Variants in CERS3 observed in about 807,000 individuals in gnomAD.
The protein encoded by CERS3 is ceramide synthase 3.
A neutral mutation model predicts 50.3 loss-of-function variants in CERS3; 33 were observed. That is an observed-to-expected ratio of 0.66 (90% confidence interval 0.50 to 0.88). The LOEUF (loss-of-function observed/expected upper bound fraction) is 0.88, where lower values mean the gene tolerates loss of function less well. Among genes scored for constraint, CERS3 ranks in the 40% least tolerant of loss-of-function variants. The probability of loss-of-function intolerance (pLI) is 0.00; values close to 1 mark genes in which losing one functional copy is unlikely to be tolerated. For synonymous variants in CERS3, 176 were observed against 155.2 expected, an observed-to-expected ratio of 1.13 and a Z score of -0.99; for missense variants, 470 against 460.3, an observed-to-expected ratio of 1.02 and a Z score of -0.19.
intron 11 of CERS3, among the ~76,000 whole-genome samples, chr15:100,416,152 C>A (rs2031887678): frequency 6.6e-6 from 1 of 151,950 alleles, no homozygotes. Flanking sequence ...TCATACAGAA[C>A]CAAAAAAGAG....
Position 100,475,166 on chromosome 15 carries a change from A to T in CERS3, c.609+920T>A, listed in dbSNP as rs547206900. On this transcript the variant is annotated intron_variant, in intron 8 of 11. Transcript: ENST00000679737. ...TTCCTAGCCTAAAGTTAGTATAGTT[A>T]ATCTACAGCTATCATTGAGTTACAT... is the stretch of plus-strand genomic sequence containing the variant. 3.3e-5 allele frequency among the ~76,000 whole-genome samples: 5 copies of T among 152,318 alleles called. No individual in the cohort carries two copies. The South Asian group carries it at 1.0e-3, about 32-fold the overall frequency.
intron 11 of CERS3, among the ~76,000 whole-genome samples, chr15:100,407,696 T>A (rs1436158209): frequency 1.3e-5 from 2 of 152,234 alleles, no homozygotes; most frequent in African/African-American, 4.8e-5. Context: ...GTATCAGTAC[T>A]GGACATTTAT....
chr15:100,440,853 C>T (rs887738095), intron 11 of CERS3, among the ~76,000 whole-genome samples: 2 of 152,230 alleles, frequency 1.3e-5, no homozygotes, highest in Non-Finnish European at 2.9e-5. Flanking sequence ...TTTCTCCCTT[C>T]TCTTAATTTC....
At position 100,480,333 on chromosome 15, in the gene CERS3, C is replaced by T. The variant is rs375833669; in HGVS notation, c.408-287G>A. 6.6e-5 allele frequency among the ~76,000 whole-genome samples: 10 copies of T among 152,234 alleles called. No homozygotes were observed. The East Asian group carries it at 1.9e-3, about 29-fold the overall frequency. ...AACAGGTCTAGCATAAAGTAAGCAA[C>T]AATAAATGGCAGCCATTATTCTGGT... On this transcript the variant is annotated intron_variant, in intron 5 of 11. Coordinates refer to ENST00000679737, the MANE Select transcript of CERS3 (RefSeq NM_001378789.1).
At chr15:100,524,869 T>C (rs1289079791) in intron 1 of CERS3, among the ~76,000 whole-genome samples, 1 of 152,210 alleles carries the variant, frequency 6.6e-6, no homozygotes, top group South Asian at 2.1e-4. Flanking sequence ...CAGTAAAATA[T>C]GTCTGGCAAA....
Position 100,461,365 on chromosome 15 carries a change from A to G in CERS3, c.846-5319T>C, listed in dbSNP as rs531430304. Among the ~76,000 whole-genome samples, 348 of 152,120 alleles carry G rather than the reference A, an allele frequency of 2.3e-3. 1 individual carries two copies. The highest frequency in any genetic ancestry group is 4.2e-3 in the Non-Finnish European group (287 of 68,014). On this transcript the variant is annotated intron_variant, in intron 10 of 11. Coordinates refer to ENST00000679737, the MANE Select transcript of CERS3 (RefSeq NM_001378789.1). ...TGCCATTAAGATGCAAATGTCTTCTAAGAGAGCTGAGCCTCTGGGCAGAGA... is the reference window on the plus strand; with the variant it reads ...TGCCATTAAGATGCAAATGTCTTCTGAGAGAGCTGAGCCTCTGGGCAGAGA...
intron 11 of CERS3, among the ~76,000 whole-genome samples, chr15:100,439,572 C>G (rs1173518613): frequency 6.6e-6 from 1 of 152,210 alleles, no homozygotes. Flanking sequence ...TAGTAACAAT[C>G]AAATGCATTA....
intron 2 of CERS3, among the ~76,000 whole-genome samples, chr15:100,517,445 C>T (rs1286633709): frequency 1.3e-5 from 2 of 151,970 alleles, no homozygotes; most frequent in Non-Finnish European, 2.9e-5. Context: ...GTGTCTTTTG[C>T]GGGGTGATTT....
chr15:100,424,243 A>G (rs996273363), intron 11 of CERS3, among the ~76,000 whole-genome samples: 1 of 152,110 alleles, frequency 6.6e-6, no homozygotes, highest in Admixed American at 6.6e-5. Flanking sequence ...GCCTGGCCAG[A>G]TATTTCTTTA....
At chr15:100,487,920 G>A (rs1345180714) in intron 4 of CERS3, among the ~76,000 whole-genome samples, 1 of 152,148 alleles carries the variant, frequency 6.6e-6, no homozygotes, top group Non-Finnish European at 1.5e-5. Flanking sequence ...CTCTGCATCA[G>A]TTCATATATA....
chr15:100,435,359 G>C (rs2033348959), intron 11 of CERS3, among the ~76,000 whole-genome samples: 1 of 152,164 alleles, frequency 6.6e-6, no homozygotes, highest in South Asian at 2.1e-4. Flanking sequence ...GAACCTCTTT[G>C]AGGAAACAGG....
intron 11 of CERS3, among the ~76,000 whole-genome samples, chr15:100,406,496 C>G (rs1170133280): frequency 6.6e-6 from 1 of 152,136 alleles, no homozygotes; most frequent in African/African-American, 2.4e-5. Context: ...CACAGAAATT[C>G]AACTTCATGG....
chr15:100,410,326 T>C (rs960193402), intron 11 of CERS3, among the ~76,000 whole-genome samples: 6 of 152,148 alleles, frequency 3.9e-5, no homozygotes, highest in Non-Finnish European at 7.3e-5. Context: ...CTGACAAATA[T>C]TATCAGCTTG....
At chr15:100,531,592 T>C (rs28570562), upstream of CERS3, among the ~76,000 whole-genome samples, 1 of 152,148 alleles carries the variant, frequency 6.6e-6, no homozygotes, top group Admixed American at 6.5e-5. Flanking sequence ...ATTCCTAAGG[T>C]GATTCCTTTT....
intron 1 of CERS3, 32 bp downstream of exon 1, chr15:100,528,781 A>C (rs74642800): frequency 6.6e-6 from 1 of 152,296 alleles, no homozygotes. Context: ...AAAGTCCTCA[A>C]ATACTAACCA....
At position 100,463,436 on chromosome 15, in the gene CERS3, A is replaced by AC. The variant is rs2034616120; in HGVS notation, c.845+5941_845+5942insG. Among the ~76,000 whole-genome samples the AC allele has an allele frequency of 8.1e-4, 4 of 4,916 alleles. No homozygotes were observed. The South Asian group carries it at 0.074, about 91-fold the overall frequency. 3.2% of individuals were successfully genotyped at this position (4,916 alleles called of 152,430 possible). A position where few individuals can be genotyped will look rare whatever the true frequency, so the allele number is the denominator to read the frequency against. ...GCAACAGAGTGAGACTCTGTCTCAG[A>AC]AAAAAAAAAAAAAAAAAAAAATTCT... On this transcript the variant is annotated intron_variant, in intron 10 of 11. Transcript: ENST00000679737.
At position 100,413,062 on chromosome 15, in the gene CERS3, G is replaced by T. The variant is rs112629806; in HGVS notation, c.1000-10197C>A. 6.6e-3 allele frequency among the ~76,000 whole-genome samples: 1,000 copies of T among 152,132 alleles called. 11 individuals are homozygous for T. Among genetic ancestry groups the T allele is most frequent in the African/African-American group, 0.023 (944 of 41,474 alleles). On this transcript the variant is annotated intron_variant, in intron 11 of 11. Transcript: ENST00000679737. ...ATAACCCAAAATAAATTAAAAATGT[G>T]CCAGACTGTGTGGTGATCAACAAAT... is the stretch of plus-strand genomic sequence containing the variant.
rs532915140 is a variant in CERS3, at chr15:100,499,955, C to A, written c.173+1722G>T. 2.0e-5 allele frequency among the ~76,000 whole-genome samples: 3 copies of A among 152,318 alleles called. No homozygotes were observed. The East Asian group carries it at 5.8e-4, about 29-fold the overall frequency. On this transcript the variant is annotated intron_variant, in intron 3 of 11. Transcript: ENST00000679737. ...GTGACCTTGGCCAGGTCATTTACCT[C>A]TCATTTCCACACCTGCAGACTGAGA...
intron 3 of CERS3, among the ~76,000 whole-genome samples, chr15:100,492,257 A>G (rs751269027): frequency 1.4e-4 from 22 of 152,260 alleles, no homozygotes; most frequent in Admixed American, 3.3e-4. Flanking sequence ...TTCCCTGTTG[A>G]TAATCTTCTG....
Sources: allele counts gnomAD v4.1 joint callset (sites outside exome capture counted in the v4.1 genomes callset), GRCh38; gene constraint gnomAD v4.1.1; transcripts MANE v1.5; gene names NCBI Gene and HGNC (gene_info 2026-07-23, HGNC 2026-07-21).